FARP1: variants seen among roughly 807,000 people sequenced by gnomAD.
FARP1 encodes the protein FERM, ARHGEF and pleckstrin domain-containing protein 1.
Under a neutral mutation model 128.8 loss-of-function variants are expected in FARP1, and 52 were observed. That is an observed-to-expected ratio of 0.40 (90% confidence interval 0.32 to 0.51). FARP1 has a LOEUF of 0.51. FARP1 is among the 20% of genes least tolerant of loss of function. The probability of loss-of-function intolerance (pLI) is 0.45; values close to 1 mark genes in which losing one functional copy is unlikely to be tolerated. For synonymous variants in FARP1, 580 were observed against 551.8 expected, an observed-to-expected ratio of 1.05 and a Z score of -0.72; for missense variants, 1,333 against 1,367.9, an observed-to-expected ratio of 0.97 and a Z score of 0.40.
chr13:98,317,874 C>T (rs1484595251), intron 2 of FARP1, among the ~76,000 whole-genome samples: 3 of 151,874 alleles, frequency 2.0e-5, no homozygotes, highest in East Asian at 1.9e-4. Flanking sequence ...GGTGTCTCCT[C>T]CTCCTTTCTT....
At chr13:98,372,090 T>C (rs1345057059) in intron 5 of FARP1, among the ~76,000 whole-genome samples, 1 of 144,184 alleles carries the variant, frequency 6.9e-6, no homozygotes, top group African/African-American at 2.6e-5. Flanking sequence ...TCTTTTTTTT[T>C]TTTTTTTTTT....
intron 1 of FARP1, among the ~76,000 whole-genome samples, chr13:98,144,256 C>A (rs1875338496): frequency 6.6e-6 from 1 of 151,776 alleles, no homozygotes; most frequent in Admixed American, 6.6e-5. Flanking sequence ...ATACGAATTC[C>A]CTGTAATGAG....
intron 1 of FARP1, among the ~76,000 whole-genome samples, chr13:98,185,368 G>A (rs1444029976): frequency 2.0e-5 from 3 of 152,116 alleles, no homozygotes; most frequent in Admixed American, 6.5e-5. Context: ...GCATGCAGGC[G>A]TTGGGATTGG....
intron 1 of FARP1, among the ~76,000 whole-genome samples, chr13:98,207,739 G>A (rs1427353019): frequency 3.3e-5 from 5 of 152,054 alleles, no homozygotes; most frequent in Non-Finnish European, 5.9e-5. Flanking sequence ...GAATGGGGAA[G>A]GCCAACTTGA....
chr13:98,259,882 A>AGTGTCTGTGTGTGTGT (rs1883787141), intron 2 of FARP1, among the ~76,000 whole-genome samples: 1 of 128,770 alleles, frequency 7.8e-6, no homozygotes, highest in Non-Finnish European at 1.6e-5. Flanking sequence ...ATACCTGAAA[A>AGTGTCTGTGTGTGTGT]GTGTGTGTGT....
At chr13:98,268,818 G>A (rs192886004) in intron 2 of FARP1, among the ~76,000 whole-genome samples, 1,461 of 144,500 alleles carry the variant, frequency 0.01, 22 homozygotes, top group African/African-American at 0.033. Context: ...GTGTGTGTGT[G>A]TATACAGCTT....
chr13:98,177,078 G>C, intron 1 of FARP1: 1 of 1,597,454 alleles, frequency 6.3e-7, no homozygotes, highest in Non-Finnish European at 8.5e-7. Context: ...CCACTGTGTC[G>C]CCCTCGTCCC....
intron 1 of FARP1, chr13:98,177,927 AAAGT>A (rs1213704093): frequency 2.0e-5 from 3 of 152,186 alleles, no homozygotes; most frequent in Non-Finnish European, 2.9e-5. Flanking sequence ...ATACAAGCAA[AAAGT>A]AAGACGCCTA....
chr13:98,255,373 C>A lies in FARP1; in HGVS notation c.171+41960C>A, dbSNP rs572348206. Among the ~76,000 whole-genome samples, 5 of 152,124 alleles carry A rather than the reference C, an allele frequency of 3.3e-5. No homozygotes were observed. The East Asian group carries it at 7.8e-4, about 24-fold the overall frequency. On this transcript the variant is annotated intron_variant, in intron 2 of 26. Coordinates refer to ENST00000319562, the MANE Select transcript of FARP1 (RefSeq NM_005766.4). ...AAAAATAGCCGGGCATGGTGGCAGG[C>A]GCCTGTAGTCCCAGCTACTCGGGAG...
chr13:98,310,508 T>C lies in FARP1; in HGVS notation c.172-33254T>C, dbSNP rs374593717. On this transcript the variant is annotated intron_variant, in intron 2 of 26. Coordinates refer to ENST00000319562, the MANE Select transcript of FARP1 (RefSeq NM_005766.4). ...AGGAATTTAAATATTCCAATCTTAG[T>C]GAAATTTTCAAAAATGGCTATTTTG... Among the ~76,000 whole-genome samples, 5 of 152,250 alleles carry C rather than the reference T, an allele frequency of 3.3e-5. No homozygotes were observed. In the South Asian group the frequency reaches 1.0e-3, roughly 31 times the overall value.
intron 1 of FARP1, chr13:98,208,459 C>T (rs1437685493): frequency 1.5e-5 from 2 of 133,078 alleles, no homozygotes; most frequent in Non-Finnish European, 3.1e-5. Flanking sequence ...GCCTGGGTGA[C>T]AGAACAAGAC....
intron 2 of FARP1, among the ~76,000 whole-genome samples, chr13:98,246,185 CCTG>C (rs1207238890): frequency 7.2e-6 from 1 of 138,352 alleles, no homozygotes; most frequent in African/African-American, 2.7e-5. Context: ...GGCTCCGCCC[CCTG>C]GGGTTCACGC....
intron 2 of FARP1, chr13:98,332,605 G>T (rs1464426429): frequency 1.3e-5 from 2 of 152,220 alleles, no homozygotes; most frequent in Non-Finnish European, 2.9e-5. Flanking sequence ...TCAGTTTGAT[G>T]CATGGATTTT....
chr13:98,172,130 G>A (rs1046909378), intron 1 of FARP1, among the ~76,000 whole-genome samples: 1 of 152,102 alleles, frequency 6.6e-6, no homozygotes, highest in African/African-American at 2.4e-5. Context: ...GCTGTTTGTT[G>A]GGCGGGGTGG....
intron 19 of FARP1, 63 bp downstream of exon 19, chr13:98,435,769 T>TA: frequency 1.3e-6 from 2 of 1,562,300 alleles, no homozygotes; most frequent in Non-Finnish European, 1.8e-6. Context: ...CGGAGGGACT[T>TA]ACATTTGAAC....
At chr13:98,447,569 C>T (rs567461212) in intron 26 of FARP1, 17 of 152,662 alleles carry the variant, frequency 1.1e-4, no homozygotes, top group African/African-American at 3.8e-4. Context: ...TCCCTGGCCA[C>T]CCACTAGATG....
rs746191794 is a variant in FARP1, at chr13:98,343,878, C to T, written c.276+12C>T. 2.4e-5 allele frequency: 36 copies of T among 1,526,590 alleles called. No homozygotes were observed. The highest frequency in any genetic ancestry group is 3.3e-5 in the Admixed American group (2 of 59,834). 94.6% of individuals were successfully genotyped at this position (1,526,590 alleles called of 1,614,324 possible). On this transcript the variant is annotated intron_variant, in intron 3 of 26. Coordinates refer to ENST00000319562, the MANE Select transcript of FARP1 (RefSeq NM_005766.4). The stretch of plus-strand genomic sequence containing the variant: ...ACAAAAAGATCACGGTAGGTGATGT[C>T]AACTTAATGTTACTATTTTACTGTC...
chr13:98,367,825 C>A (rs112917985), intron 4 of FARP1, among the ~76,000 whole-genome samples: 2 of 152,206 alleles, frequency 1.3e-5, no homozygotes, highest in African/African-American at 4.8e-5. Flanking sequence ...AGACAAATGA[C>A]TTTATTTTAA....
intron 6 of FARP1, among the ~76,000 whole-genome samples, chr13:98,380,320 G>A (rs1889842922): frequency 6.6e-6 from 1 of 151,296 alleles, no homozygotes; most frequent in South Asian, 2.1e-4. Context: ...GGTGGCGGTG[G>A]GCGCCTGTAG....
Sources: allele counts gnomAD v4.1 joint callset (sites outside exome capture counted in the v4.1 genomes callset), GRCh38; gene constraint gnomAD v4.1.1; transcripts MANE v1.5; gene names NCBI Gene and HGNC (gene_info 2026-07-23, HGNC 2026-07-21).